SLC12A2: variants seen among roughly 807,000 people sequenced by gnomAD.
The protein encoded by SLC12A2 is Na-K-2Cl cotransporter 1.
Under a neutral mutation model 136.3 loss-of-function variants are expected in SLC12A2, and 67 were observed. That is an observed-to-expected ratio of 0.49 (90% CI 0.40 to 0.60). The LOEUF (loss-of-function observed/expected upper bound fraction) is 0.60. Ranked by LOEUF, SLC12A2 falls within the 20% of genes least tolerant of loss-of-function variation. The pLI, the probability that SLC12A2 is intolerant of heterozygous loss-of-function variation, is 0.00. For synonymous variants in SLC12A2, 619 were observed against 562.9 expected (o/e 1.10, Z -1.41); for missense variants, 1,322 against 1,534.7 (o/e 0.86, Z 2.32).
Position 128,184,317 on chromosome 5 carries a change from T to C in SLC12A2, c.3300-49T>C, listed in dbSNP as rs775476302. ...TTTAATATTTAAGATCTTCCTGTTA[T>C]GTAACTTAAAATAAGATTAGTTGTC... On this transcript the variant is annotated intron_variant, in intron 24 of 26. Coordinates refer to ENST00000262461, the MANE Select transcript of SLC12A2 (RefSeq NM_001046.3). 3 of 1,198,362 alleles carry C rather than the reference T, an allele frequency of 2.5e-6. No individual in the cohort carries two copies. The East Asian group carries it at 8.0e-5, about 32-fold the overall frequency. 74.2% of individuals were successfully genotyped at this position (1,198,362 alleles called of 1,614,324 possible).
intron 16 of SLC12A2, among the ~76,000 whole-genome samples, chr5:128,160,563 C>T (rs1301375669): frequency 6.6e-6 from 1 of 152,006 alleles, no homozygotes; most frequent in African/African-American, 2.4e-5. Flanking sequence ...ACTTAGTTGC[C>T]AATTCTTTTT....
chr5:128,178,793 C>T (rs1011186974), intron 22 of SLC12A2, 104 bp downstream of exon 22: 26 of 776,106 alleles, frequency 3.4e-5, no homozygotes, highest in Non-Finnish European at 4.3e-5. Context: ...TCAAATTTTG[C>T]CAGCATTCCC....
chr5:128,090,380 T>C (rs1039123871), intron 1 of SLC12A2, among the ~76,000 whole-genome samples: 3 of 152,206 alleles, frequency 2.0e-5, no homozygotes, highest in Admixed American at 1.3e-4. Flanking sequence ...TTGGTTCTTA[T>C]GTGTGGAGTG....
intron 16 of SLC12A2, among the ~76,000 whole-genome samples, chr5:128,158,946 G>T (rs1355323990): frequency 1.4e-5 from 2 of 143,846 alleles, no homozygotes; most frequent in Non-Finnish European, 1.5e-5. Flanking sequence ...CTTTTATGCT[G>T]TATATAATTT....
chr5:128,132,989 C>T (rs894233411), intron 5 of SLC12A2, among the ~76,000 whole-genome samples: 37 of 151,684 alleles, frequency 2.4e-4, no homozygotes, highest in African/African-American at 9.0e-4. Context: ...AAATATTGAG[C>T]TATAGCAGTA....
rs546088638 is a variant in SLC12A2, at chr5:128,088,976, C to G, written c.756+4266C>G. Among the ~76,000 whole-genome samples the G allele has an allele frequency of 2.0e-5, 3 of 152,146 alleles. No individual in the cohort carries two copies. In the South Asian group the frequency reaches 6.2e-4, roughly 32 times the overall value. On this transcript the variant is annotated intron_variant, in intron 1 of 26. Coordinates refer to ENST00000262461, the MANE Select transcript of SLC12A2 (RefSeq NM_001046.3). ...CTGAGGTCAGAAGTTCGAGACCAGC[C>G]TTAACAACATGGTGAAACCCTGTCT...
intron 5 of SLC12A2, among the ~76,000 whole-genome samples, chr5:128,131,628 C>T (rs904180117): frequency 3.3e-5 from 5 of 151,896 alleles, no homozygotes; most frequent in African/African-American, 1.2e-4. Context: ...GGTGTGAACC[C>T]AGGAGGTGGA....
At chr5:128,134,024 C>T in intron 5 of SLC12A2, 141 bp from the exon 6 acceptor site, 1 of 515,670 alleles carries the variant, frequency 1.9e-6, no homozygotes, top group Non-Finnish European at 3.5e-6. Context: ...TCCTTTAGGT[C>T]TTCCATTTAT....
At chr5:128,157,407 G>T (rs1222510624) in intron 15 of SLC12A2, among the ~76,000 whole-genome samples, 1 of 152,126 alleles carries the variant, frequency 6.6e-6, no homozygotes, top group African/African-American at 2.4e-5. Context: ...CTAGAATTCA[G>T]ATTTCTAGTT....
At chr5:128,143,628 T>TAA (rs1762437108) in intron 10 of SLC12A2, among the ~76,000 whole-genome samples, 2 of 152,014 alleles carry the variant, frequency 1.3e-5, no homozygotes, top group African/African-American at 4.8e-5. Flanking sequence ...TTTGAGTTGT[T>TAA]TGTTAAGTCC....
intron 1 of SLC12A2, among the ~76,000 whole-genome samples, chr5:128,107,436 T>C (rs938190822): frequency 6.6e-6 from 1 of 152,100 alleles, no homozygotes; most frequent in African/African-American, 2.4e-5. Flanking sequence ...CTGCTGTCCC[T>C]CCCCTACCCC....
intron 1 of SLC12A2, among the ~76,000 whole-genome samples, 169 bp from the exon 2 acceptor site, chr5:128,112,645 T>A (rs988152422): frequency 6.6e-6 from 1 of 152,194 alleles, no homozygotes; most frequent in Admixed American, 6.5e-5. Flanking sequence ...TTTCTTCTAG[T>A]TTATTGTTTT....
At position 128,177,131 on chromosome 5, in the gene SLC12A2, A is replaced by G. The variant is rs1269082600; in HGVS notation, c.2956A>G (p.Thr986Ala). Reference protein sequence around the residue: ...KVEEEDGKTATQPLLKKESKG... With the variant: ...KVEEEDGKTAAQPLLKKESKG... ...TGAGGAAGAGGATGGCAAGACTGCA[A>G]CTCAACCACTGTTGAAAAAAGGCAG... The change falls in exon 21 of 27, where the codon ACT becomes GCT. Residue 986 changes from threonine to alanine, a missense_variant. Physicochemically the swap from Thr to Ala is moderately conservative, Grantham distance 58 (BLOSUM62 0). Transcript: ENST00000262461. 5 of 1,592,508 alleles carry G rather than the reference A, an allele frequency of 3.1e-6. No individual in the cohort carries two copies. The highest frequency in any genetic ancestry group is 4.6e-5 in the East Asian group (2 of 43,484).
chr5:128,129,822 T>A (rs755274573), intron 4 of SLC12A2, among the ~76,000 whole-genome samples: 18 of 152,176 alleles, frequency 1.2e-4, no homozygotes, highest in Non-Finnish European at 2.1e-4. Flanking sequence ...ATGGCCAAAT[T>A]TAAATTAGAA....
At chr5:128,122,558 A>G (rs1366856019) in intron 4 of SLC12A2, among the ~76,000 whole-genome samples, 5 of 152,122 alleles carry the variant, frequency 3.3e-5, no homozygotes, top group Admixed American at 2.6e-4. Context: ...TTTTATGCAG[A>G]TTCTGCTTGT....
chr5:128,112,185 A>G (rs758329425), intron 1 of SLC12A2, among the ~76,000 whole-genome samples: 2 of 152,172 alleles, frequency 1.3e-5, no homozygotes, highest in Non-Finnish European at 2.9e-5. Context: ...ATGAAACCTA[A>G]AAACCTAAAA....
chr5:128,166,117 T>C (rs530342935), intron 17 of SLC12A2, among the ~76,000 whole-genome samples: 38 of 152,252 alleles, frequency 2.5e-4, no homozygotes, highest in African/African-American at 8.7e-4. Context: ...TAGGGATATT[T>C]CTTCTGTCCT....
chr5:128,130,136 C>T lies in SLC12A2; in HGVS notation c.1049-931C>T, dbSNP rs143153209. Among the ~76,000 whole-genome samples, 180 of 151,908 alleles carry T rather than the reference C, an allele frequency of 1.2e-3. 1 individual carries two copies. The East Asian group carries it at 0.029, about 25-fold the overall frequency. On this transcript the variant is annotated intron_variant, in intron 4 of 26. Coordinates refer to ENST00000262461, the MANE Select transcript of SLC12A2 (RefSeq NM_001046.3). ...ATTTAGAAGTTACATTAAGGCTGGG[C>T]GTGGTGGCTCACACCTGTGATTCCA...
At chr5:128,105,480 T>C (rs1760898990) in intron 1 of SLC12A2, among the ~76,000 whole-genome samples, 1 of 152,152 alleles carries the variant, frequency 6.6e-6, no homozygotes. Context: ...CTGAAAAATG[T>C]ACATTAGATT....
Sources: allele counts gnomAD v4.1 joint callset (sites outside exome capture counted in the v4.1 genomes callset), GRCh38; gene constraint gnomAD v4.1.1; transcripts MANE v1.5; gene names NCBI Gene and HGNC (gene_info 2026-07-23, HGNC 2026-07-21).